Variants in PIEZO2 observed in about 807,000 individuals in gnomAD.
The protein encoded by PIEZO2 is piezo-type mechanosensitive ion channel component 2.
PIEZO2 carries 172 observed loss-of-function variants against 337.3 expected under a neutral mutation model. The observed-to-expected ratio is 0.51, with a 90% CI of 0.45 to 0.58. The LOEUF (loss-of-function observed/expected upper bound fraction) is 0.58, where lower values mean the gene tolerates loss of function less well. Ranked by LOEUF, PIEZO2 falls within the 20% of genes least tolerant of loss-of-function variation. The probability of loss-of-function intolerance (pLI) is 0.00; values close to 1 mark genes in which losing one functional copy is unlikely to be tolerated. For missense variants in PIEZO2, 3,028 were observed against 3,391.3 expected (o/e 0.89, Z 2.66); for synonymous variants, 1,251 against 1,228.5 (o/e 1.02, Z -0.38).
intron 2 of PIEZO2, among the ~76,000 whole-genome samples, chr18:11,060,019 T>C (rs1162915204): frequency 6.6e-6 from 1 of 152,112 alleles, no homozygotes; most frequent in Non-Finnish European, 1.5e-5. Flanking sequence ...AAAGCACTCC[T>C]CAGCAAATGT....
chr18:11,129,549 C>T lies in PIEZO2; in HGVS notation c.64+18976G>A, dbSNP rs1167273457. Among the ~76,000 whole-genome samples, 2 of 152,126 alleles carry T rather than the reference C, an allele frequency of 1.3e-5. No homozygotes were observed. Among genetic ancestry groups the T allele is most frequent in the Non-Finnish European group, 2.9e-5 (2 of 68,026 alleles). ...TTGAATTATAAAAACAGAATCACAG[C>T]CCCTCAATCAATTTCCAGACTTGAG... On this transcript the variant is annotated intron_variant, in intron 1 of 55. Transcript: ENST00000674853. The surrounding 1 kb of genome is among the most constrained non-coding windows in gnomAD (Gnocchi z 4.6).
At position 10,942,467 on chromosome 18, in the gene PIEZO2, C is replaced by T. The variant is rs185896453; in HGVS notation, c.287-31239G>A. 2.2e-4 allele frequency among the ~76,000 whole-genome samples: 33 copies of T among 152,244 alleles called. 1 individual carries two copies. The highest frequency in any genetic ancestry group is 1.5e-3 in the South Asian group (7 of 4,820). The stretch of plus-strand genomic sequence containing the variant: ...CAACTCTTGTTATGTTTTAGCAAAG[C>T]GACTGGCAGCATTCTGCCCCTGCCC... On this transcript the variant is annotated intron_variant, in intron 3 of 55. Transcript: ENST00000674853. The surrounding 1 kb of genome is among the most constrained non-coding windows in gnomAD (Gnocchi z 4.4).
chr18:10,723,055 C>T (rs371178990), intron 36 of PIEZO2, among the ~76,000 whole-genome samples: 5 of 147,784 alleles, frequency 3.4e-5, no homozygotes, highest in South Asian at 2.1e-4. Context: ...ACAACCTCTG[C>T]CTTCCGGATT....
At chr18:10,961,056 C>CT (rs2033754402) in intron 3 of PIEZO2, among the ~76,000 whole-genome samples, 2 of 152,050 alleles carry the variant, frequency 1.3e-5, no homozygotes, top group African/African-American at 4.8e-5. Context: ...TGGCGGGCAC[C>CT]CGTAGTCCCA....
At chr18:10,774,125 A>G (rs1220751741) in intron 18 of PIEZO2, 87 bp from the exon 19 acceptor site, 2 of 693,086 alleles carry the variant, frequency 2.9e-6, no homozygotes, top group African/African-American at 3.5e-5. Context: ...ATATCATGCT[A>G]CATATCATCC....
At chr18:10,741,445 C>T (rs1598422019) in intron 32 of PIEZO2, among the ~76,000 whole-genome samples, 1 of 152,180 alleles carries the variant, frequency 6.6e-6, no homozygotes, top group Admixed American at 6.5e-5. Flanking sequence ...CCAAATTTTA[C>T]AGAATCATTT....
rs2036784618 is a variant in PIEZO2 at position 10,731,469 on chromosome 18, T to G, written c.4967A>C (p.His1656Pro). The G allele has an allele frequency of 2.0e-6, 3 of 1,535,642 alleles. No homozygotes were observed. In the African/African-American group the frequency reaches 4.1e-5, roughly 21 times the overall value. ...TCTTGCAGACCTTTTTTTCTCTTTG[T>G]GTCTTTGTCGGAGTGCTGTTTTAGG... ...TDPKTALRQR[H>P]KEKKRSAREE... Residue 1656 changes from histidine (H) to proline (P), a missense_variant, in exon 36 of 56, where the codon CAC becomes CCC. Around this residue, in one of 5 missense-constraint regions of PIEZO2, gnomAD observed 1,925 missense variants for 2,051.9 expected, o/e 0.94. Transcript: ENST00000674853.
rs1362104312 is a variant in PIEZO2 at position 10,938,659 on chromosome 18, C to T, written c.287-27431G>A. On this transcript the variant is annotated intron_variant, in intron 3 of 55. Coordinates refer to ENST00000674853, the MANE Select transcript of PIEZO2 (RefSeq NM_001378183.1). ...AAACATACTGAAAGATTCTTCATGA[C>T]CAGAAAAAAAGGAGAATATTCAATA... Among the ~76,000 whole-genome samples, 5 of 151,378 alleles carry T rather than the reference C, an allele frequency of 3.3e-5. No homozygotes were observed. The South Asian group carries it at 8.3e-4, about 25-fold the overall frequency.
rs955172635 is a variant in PIEZO2, at chr18:10,861,111, C to T, written c.493-3900G>A. 6.6e-6 allele frequency among the ~76,000 whole-genome samples: 1 copy of T among 152,200 alleles called. No homozygotes were observed. The highest frequency in any genetic ancestry group is 1.5e-5 in the Non-Finnish European group (1 of 68,032). On this transcript the variant is annotated intron_variant, in intron 5 of 55. Coordinates refer to ENST00000674853, the MANE Select transcript of PIEZO2 (RefSeq NM_001378183.1). This position sits in a 1 kb window ranked among gnomAD's most constrained non-coding sequence, Gnocchi z 4.3. ...AGTGATTCTTCTGCTGATGTATAAACACTGAACCTCTGAAAGAGCATGGAC... is the reference window on the plus strand; with the variant it reads ...AGTGATTCTTCTGCTGATGTATAAATACTGAACCTCTGAAAGAGCATGGAC...
intron 2 of PIEZO2, among the ~76,000 whole-genome samples, chr18:11,013,528 T>C (rs1290406651): frequency 1.3e-5 from 2 of 152,228 alleles, no homozygotes; most frequent in Admixed American, 6.5e-5. Context: ...TTGATCTTAA[T>C]TTCACCGTTC....
rs932992582 is a variant in PIEZO2, at chr18:10,815,281, G to C, written c.918-8007C>G. Among the ~76,000 whole-genome samples, 2 of 152,164 alleles carry C rather than the reference G, an allele frequency of 1.3e-5. No individual in the cohort carries two copies. Among genetic ancestry groups the C allele is most frequent in the Admixed American group, 1.3e-4 (2 of 15,280 alleles). On this transcript the variant is annotated intron_variant, in intron 7 of 55. Coordinates refer to ENST00000674853, the MANE Select transcript of PIEZO2 (RefSeq NM_001378183.1). This position sits in a 1 kb window ranked among gnomAD's most constrained non-coding sequence, Gnocchi z 4.1. The stretch of plus-strand genomic sequence containing the variant: ...TGAACTCAGGATAAACTTAAAATCA[G>C]AGGCTATAGGGCTAAAAGAAAAGAA...
At chr18:10,963,852 T>C (rs2033889786) in intron 3 of PIEZO2, among the ~76,000 whole-genome samples, 1 of 152,230 alleles carries the variant, frequency 6.6e-6, no homozygotes, top group Non-Finnish European at 1.5e-5. Flanking sequence ...ACTTGAATTT[T>C]GTCTTTTCAG....
intron 18 of PIEZO2, among the ~76,000 whole-genome samples, chr18:10,774,497 C>T (rs1250161027): frequency 1.3e-5 from 2 of 152,146 alleles, no homozygotes; most frequent in Non-Finnish European, 2.9e-5. Context: ...ACGTCTGCAT[C>T]ATGTCCCCAC....
chr18:11,123,196 A>C (rs1287387969), intron 1 of PIEZO2, among the ~76,000 whole-genome samples: 1 of 152,204 alleles, frequency 6.6e-6, no homozygotes, highest in African/African-American at 2.4e-5. Context: ...GGTTTCAAAC[A>C]TATTTGCACT....
intron 7 of PIEZO2, among the ~76,000 whole-genome samples, chr18:10,835,338 TA>T (rs2040975985): frequency 6.6e-6 from 1 of 152,054 alleles, no homozygotes; most frequent in Non-Finnish European, 1.5e-5. Flanking sequence ...ATTCCATATT[TA>T]GAATACTGAA....
chr18:10,671,601 G>C lies in PIEZO2; in HGVS notation c.8524C>G (p.Leu2842Val), dbSNP rs2033778475. The change falls in exon 56 of 56, where the codon CTC becomes GTC. Residue 2842 changes from leucine (L) to valine (V), a missense_variant. Leu to Val is a conservative substitution (Grantham distance 32). Around this residue, in one of 5 missense-constraint regions of PIEZO2, gnomAD observed 332 missense variants for 363.8 expected, o/e 0.91. Transcript: ENST00000674853. ...TATAGGAATATTAATTTGGCATAGA[G>C]ATCTTCTTCTAGCTCCAGTTCTCCT... is the stretch of plus-strand genomic sequence containing the variant. ...ETGELELEED[L>V]YAKLIFLYRS... 6.2e-7 allele frequency: 1 copy of C among 1,613,884 alleles called. No individual in the cohort carries two copies. Among genetic ancestry groups the C allele is most frequent in the Non-Finnish European group, 8.5e-7 (1 of 1,179,870 alleles).
In PIEZO2 at chr18:11,124,375, C is replaced by A. The variant is rs914154097; in HGVS notation, c.64+24150G>T. Among the ~76,000 whole-genome samples, 4 of 152,226 alleles carry A rather than the reference C, an allele frequency of 2.6e-5. No individual in the cohort carries two copies. The South Asian group carries it at 8.3e-4, about 32-fold the overall frequency. On this transcript the variant is annotated intron_variant, in intron 1 of 55. Coordinates refer to ENST00000674853, the MANE Select transcript of PIEZO2 (RefSeq NM_001378183.1). ...GTTCTTCCCAGCATTTGTTGTGTTA[C>A]CTAAGAAATCATTTATTGTGTCAAG...
rs959024653 is a variant in PIEZO2, at chr18:11,033,103, TAGAC to T, written c.160+33020_160+33023del. Among the ~76,000 whole-genome samples the T allele has an allele frequency of 5.9e-5, 9 of 152,184 alleles. No individual in the cohort carries two copies. The highest frequency in any genetic ancestry group is 7.2e-5 in the African/African-American group (3 of 41,452). ...ACGGACAAGAGGAGAGAAACAATAA[TAGAC>T]AGCACCTTTTGAGCATTTACCGTGA... On this transcript the variant is annotated intron_variant, in intron 2 of 55. Coordinates refer to ENST00000674853, the MANE Select transcript of PIEZO2 (RefSeq NM_001378183.1). This position sits in a 1 kb window ranked among gnomAD's most constrained non-coding sequence, Gnocchi z 4.2.
In PIEZO2 at chr18:10,724,699, C is replaced by G; in HGVS notation, c.5030-6440G>C. The G allele has an allele frequency of 8.0e-7, 1 of 1,244,838 alleles. No individual in the cohort carries two copies. Among genetic ancestry groups the G allele is most frequent in the South Asian group, 1.5e-5 (1 of 68,908 alleles). 77.1% of individuals were successfully genotyped at this position (1,244,838 alleles called of 1,614,324 possible). ...CAGTCTGCTGTCCCTGCGTCATAGG[C>G]TGAAGCACTCAGACCGAGATGGGCC... On this transcript the variant is annotated intron_variant, in intron 36 of 55. Transcript: ENST00000674853. This position sits in a 1 kb window ranked among gnomAD's most constrained non-coding sequence, Gnocchi z 5.8.
Sources: allele counts gnomAD v4.1 joint callset (sites outside exome capture counted in the v4.1 genomes callset), GRCh38; gene constraint gnomAD v4.1.1; regional missense constraint gnomAD v4.1.1; non-coding constraint Gnocchi (gnomAD v3.1); transcripts MANE v1.5; gene names NCBI Gene and HGNC (gene_info 2026-07-23, HGNC 2026-07-21).